NKD1: variants seen among roughly 807,000 people sequenced by gnomAD.
NKD1 encodes the protein protein naked cuticle homolog 1.
A neutral mutation model predicts 56.0 loss-of-function variants in NKD1; 21 were observed. The observed-to-expected ratio is 0.38, with a 90% CI of 0.27 to 0.54. The LOEUF (loss-of-function observed/expected upper bound fraction) is 0.54. NKD1 is among the 20% of genes least tolerant of loss of function. NKD1 has a pLI of 0.82. For synonymous variants in NKD1, 263 were observed against 265.7 expected (o/e 0.99, Z 0.10); for missense variants, 578 against 642.7 (o/e 0.90, Z 1.09).
chr16:50,596,022 G>A (rs2151272810), intron 3 of NKD1, among the ~76,000 whole-genome samples: 1 of 152,350 alleles, frequency 6.6e-6, no homozygotes, highest in East Asian at 1.9e-4. Flanking sequence ...ATGACAGCCT[G>A]GCTTGCATGC....
At chr16:50,569,774 G>C (rs555598886) in intron 3 of NKD1, among the ~76,000 whole-genome samples, 8 of 152,302 alleles carry the variant, frequency 5.3e-5, no homozygotes, top group African/African-American at 1.9e-4. Context: ...GTTGTATCTT[G>C]TGAGCTTTTT....
intron 3 of NKD1, chr16:50,606,589 A>T: frequency 2.8e-6 from 1 of 356,958 alleles, no homozygotes; most frequent in South Asian, 2.1e-5. Context: ...GGTCATTGTC[A>T]TAGGGTCCCA....
At chr16:50,557,282 C>T (rs1343123572) in intron 3 of NKD1, 4 of 152,230 alleles carry the variant, frequency 2.6e-5, no homozygotes, top group Non-Finnish European at 1.5e-5. Context: ...GGGTGTTTTT[C>T]ATTCCACAAA....
Position 50,632,468 on chromosome 16 carries a change from G to T in NKD1, c.823+60G>T. 1 of 1,586,548 alleles carries T rather than the reference G, an allele frequency of 6.3e-7. No individual in the cohort carries two copies. The highest frequency in any genetic ancestry group is 8.6e-7 in the Non-Finnish European group (1 of 1,156,814). On this transcript the variant is annotated intron_variant, in intron 9 of 9. Coordinates refer to ENST00000268459, the MANE Select transcript of NKD1 (RefSeq NM_033119.5). The surrounding 1 kb of genome is among the most constrained non-coding windows in gnomAD (Gnocchi z 4.1). ...GGGCAGGGCGTGGCTGGACGGGCCA[G>T]GCGGGCCGTGCGGGTGGTGTTCACT...
At position 50,643,912 on chromosome 16, in the gene NKD1, C is replaced by T. The variant is rs1197967750; in HGVS notation, c.*10131C>T. The T allele has an allele frequency of 6.6e-6, 1 of 152,234 alleles. No homozygotes were observed. Among genetic ancestry groups the T allele is most frequent in the Non-Finnish European group, 1.5e-5 (1 of 68,040 alleles). The allele number at this position is 152,234 out of a possible 1,614,324, so 9.4% of individuals were successfully genotyped here. ...TTCTGTGCTTAAGAGCACAAGATGG[C>T]ACTTCAGCGTCATGCCTGGGGAGCA... On this transcript the variant is annotated 3_prime_UTR_variant, in exon 10 of 10. Transcript: ENST00000268459.
At chr16:50,626,150 G>A (rs1306141758) in intron 6 of NKD1, among the ~76,000 whole-genome samples, 1 of 152,188 alleles carries the variant, frequency 6.6e-6, no homozygotes, top group East Asian at 1.9e-4. Flanking sequence ...TTATCCCTCT[G>A]CAGGCCGGTC....
At chr16:50,599,821 T>A (rs554622068) in intron 3 of NKD1, among the ~76,000 whole-genome samples, 9 of 152,352 alleles carry the variant, frequency 5.9e-5, no homozygotes, top group Admixed American at 2.0e-4. Context: ...TCTTAAGGGC[T>A]CTGAAATGCC....
chr16:50,632,277 G>A lies in NKD1; in HGVS notation c.696-4G>A, dbSNP rs775620982. On this transcript the variant is annotated splice_polypyrimidine_tract_variant and splice_region_variant and intron_variant, in intron 8 of 9. Transcript: ENST00000268459. This position sits in a 1 kb window ranked among gnomAD's most constrained non-coding sequence, Gnocchi z 4.1. ...ATCCCACTCACTTGCCTCCCCTGCC[G>A]TAGGTTCCAGGGTGACAGCCGCCTG... 33 of 1,613,872 alleles carry A rather than the reference G, an allele frequency of 2.0e-5. No homozygotes were observed. Among genetic ancestry groups the A allele is most frequent in the African/African-American group, 9.3e-5 (7 of 74,926 alleles).
intron 3 of NKD1, among the ~76,000 whole-genome samples, chr16:50,590,694 G>C (rs1005343928): frequency 5.3e-5 from 8 of 152,222 alleles, no homozygotes; most frequent in African/African-American, 1.9e-4. Flanking sequence ...ACCTGTAGGT[G>C]ACAGAGCCAG....
At chr16:50,610,732 C>T (rs756968185) in intron 4 of NKD1, among the ~76,000 whole-genome samples, 1 of 152,186 alleles carries the variant, frequency 6.6e-6, no homozygotes, top group Non-Finnish European at 1.5e-5. Context: ...CTTTAGCTCC[C>T]GCGTTGTTAT....
At chr16:50,575,935 A>G (rs1323281183) in intron 3 of NKD1, among the ~76,000 whole-genome samples, 3 of 152,134 alleles carry the variant, frequency 2.0e-5, no homozygotes, top group East Asian at 1.9e-4. Flanking sequence ...GATACTGCCA[A>G]CCATCCTGCA....
At position 50,549,514 on chromosome 16, in the gene NKD1, C is replaced by G. The variant is rs769226973; in HGVS notation, c.151C>G (p.Arg51Gly). 1.9e-6 allele frequency: 3 copies of G among 1,608,120 alleles called. No individual in the cohort carries two copies. Among genetic ancestry groups the G allele is most frequent in the Non-Finnish European group, 2.5e-6 (3 of 1,177,156 alleles). The change falls in exon 3 of 10, where the codon CGA becomes GGA. Residue 51 changes from arginine to glycine, a missense_variant. Coordinates refer to ENST00000268459, the MANE Select transcript of NKD1 (RefSeq NM_033119.5). ...CTGCCCGGGCGGTGTCTCGGGACCC[C>G]GACAGCTGCGGTTGGCGGGCACCAT... ...QRCPGGVSGP[R>G]QLRLAGTIGR... is the part of the protein sequence containing the mutation.
In NKD1 at chr16:50,647,580, C is replaced by T. The variant is rs1318817368; in HGVS notation, c.*13799C>T. On this transcript the variant is annotated 3_prime_UTR_variant, in exon 10 of 10. Coordinates refer to ENST00000268459, the MANE Select transcript of NKD1 (RefSeq NM_033119.5). ...GGAAGGGAAGTTCCACTCCAGGAGC[C>T]CACGTGGAACATACCTCAGAGTTAT... is the stretch of plus-strand genomic sequence containing the variant. 6.6e-6 allele frequency: 1 copy of T among 152,112 alleles called. No individual in the cohort carries two copies. The highest frequency in any genetic ancestry group is 1.5e-5 in the Non-Finnish European group (1 of 68,014). 9.4% of individuals were successfully genotyped at this position (152,112 alleles called of 1,614,324 possible).
At chr16:50,563,201 A>G (rs1289310853) in intron 3 of NKD1, among the ~76,000 whole-genome samples, 1 of 152,284 alleles carries the variant, frequency 6.6e-6, no homozygotes, top group Non-Finnish European at 1.5e-5. Context: ...GAACTTAAAT[A>G]GCCCCATGAG....
At chr16:50,625,345 T>C (rs981974630) in intron 5 of NKD1, 140 bp from the exon 6 acceptor site, 7 of 662,908 alleles carry the variant, frequency 1.1e-5, no homozygotes, top group Non-Finnish European at 1.9e-5. Context: ...TTGGCCAAAG[T>C]GCTCCCTGTC....
At chr16:50,549,653 C>T in intron 3 of NKD1, 98 bp downstream of exon 3, 2 of 1,196,732 alleles carry the variant, frequency 1.7e-6, no homozygotes, top group Non-Finnish European at 2.3e-6. Context: ...CTTTCCTGCA[C>T]AGCTTCTGGG....
Position 50,633,724 on chromosome 16 carries a change from T to A in NKD1, c.1356T>A (p.His452Gln). 1 of 1,573,748 alleles carries A rather than the reference T, an allele frequency of 6.4e-7. No homozygotes were observed. Among genetic ancestry groups the A allele is most frequent in the Non-Finnish European group, 8.6e-7 (1 of 1,158,934 alleles). ...ESQAGQPVQR[H>Q]EHHHHHEHHH... ...AGGCCGGGCAGCCGGTCCAGAGACA[T>A]GAGCACCACCACCACCATGAACATC... The change falls in exon 10 of 10, where the codon CAT (histidine) becomes CAA (glutamine). Residue 452 changes from histidine to glutamine, a missense_variant. Physicochemically the swap from His to Gln is conservative, Grantham distance 24. Transcript: ENST00000268459. This position sits in a 1 kb window ranked among gnomAD's most constrained non-coding sequence, Gnocchi z 4.9.
intron 3 of NKD1, among the ~76,000 whole-genome samples, chr16:50,568,929 T>G (rs1960823249): frequency 6.6e-6 from 1 of 152,218 alleles, no homozygotes; most frequent in Admixed American, 6.5e-5. Flanking sequence ...ATGGCTCCCT[T>G]GCTCCCGTCT....
At chr16:50,600,239 C>G (rs1961564103) in intron 3 of NKD1, among the ~76,000 whole-genome samples, 1 of 150,972 alleles carries the variant, frequency 6.6e-6, no homozygotes, top group South Asian at 2.1e-4. Context: ...AAAAACAAAA[C>G]AAAACAAACA....
Sources: allele counts gnomAD v4.1 joint callset (sites outside exome capture counted in the v4.1 genomes callset), GRCh38; gene constraint gnomAD v4.1.1; non-coding constraint Gnocchi (gnomAD v3.1); transcripts MANE v1.5; gene names NCBI Gene and HGNC (gene_info 2026-07-23, HGNC 2026-07-21).